Variants in VAV3 observed in about 807,000 individuals in gnomAD.
VAV3 encodes the protein guanine nucleotide exchange factor VAV3.
VAV3 carries 94 observed loss-of-function variants against 131.2 expected under a neutral mutation model. That is an observed-to-expected ratio of 0.72 (90% CI 0.61 to 0.85). The LOEUF is 0.85. Among genes scored for constraint, VAV3 ranks in the 40% least tolerant of loss-of-function variants. VAV3 has a pLI of 0.00. For missense variants in VAV3, 939 were observed against 1,002.7 expected (o/e 0.94, Z 0.86); for synonymous variants, 349 against 342.0 (o/e 1.02, Z -0.22).
rs1663343365 is a variant in VAV3 at position 107,746,354 on chromosome 1, C to G, written c.1502+2614G>C. On this transcript the variant is annotated intron_variant, in intron 15 of 26. Coordinates refer to ENST00000370056, the MANE Select transcript of VAV3 (RefSeq NM_006113.5). The stretch of plus-strand genomic sequence containing the variant: ...TCTCCAAAAAGATACTTCTACCCTC[C>G]CAATATCTGCATAGACATTCAACGG... 3.3e-5 allele frequency among the ~76,000 whole-genome samples: 5 copies of G among 152,168 alleles called. No individual in the cohort carries two copies. In the South Asian group the frequency reaches 1.0e-3, roughly 32 times the overall value.
At chr1:107,616,075 T>C (rs990070216) in intron 21 of VAV3, among the ~76,000 whole-genome samples, 1 of 152,182 alleles carries the variant, frequency 6.6e-6, no homozygotes, top group Non-Finnish European at 1.5e-5. Context: ...AGAATTACCT[T>C]TTGAGCCAGC....
rs1157524336 is a variant in VAV3, at chr1:107,962,137, T to C, written c.204+2529A>G. Among the ~76,000 whole-genome samples, 3 of 152,242 alleles carry C rather than the reference T, an allele frequency of 2.0e-5. No homozygotes were observed. The East Asian group carries it at 5.8e-4, about 29-fold the overall frequency. On this transcript the variant is annotated intron_variant, in intron 1 of 26. Transcript: ENST00000370056. Reference sequence around the variant, plus strand: ...ATCATGTGCTATAAAAAATAGTCTATTTCAAATTAATATCTTCAACAGAAT... The same window carrying C: ...ATCATGTGCTATAAAAAATAGTCTACTTCAAATTAATATCTTCAACAGAAT...
intron 1 of VAV3, among the ~76,000 whole-genome samples, chr1:107,891,004 T>C (rs904771115): frequency 2.0e-5 from 3 of 152,248 alleles, no homozygotes; most frequent in Non-Finnish European, 2.9e-5. Flanking sequence ...TGAAATATTA[T>C]GTGAATTTTA....
intron 17 of VAV3, among the ~76,000 whole-genome samples, chr1:107,692,381 T>C (rs1659483402): frequency 6.6e-6 from 1 of 152,204 alleles, no homozygotes; most frequent in African/African-American, 2.4e-5. Flanking sequence ...TAATTATTAA[T>C]GTACCATTAA....
chr1:107,910,518 G>A (rs1672316883), intron 1 of VAV3, among the ~76,000 whole-genome samples: 1 of 152,192 alleles, frequency 6.6e-6, no homozygotes, highest in African/African-American at 2.4e-5. Context: ...GCAAGGGAAA[G>A]GCCAAAAGTA....
intron 22 of VAV3, among the ~76,000 whole-genome samples, chr1:107,606,803 CTTTTTTTT>C (rs34849497): frequency 5.2e-5 from 3 of 58,000 alleles, no homozygotes; most frequent in Non-Finnish European, 9.5e-5. Context: ...ATGGTTTCTT[CTTTTTTTT>C]TTTTTTTTTT....
At chr1:107,653,398 C>A (rs1656315072) in intron 19 of VAV3, among the ~76,000 whole-genome samples, 1 of 151,976 alleles carries the variant, frequency 6.6e-6, no homozygotes, top group Admixed American at 6.6e-5. Context: ...GAAGAGTAGT[C>A]TTTTATTTAT....
intron 19 of VAV3, among the ~76,000 whole-genome samples, chr1:107,664,367 C>A (rs1657260396): frequency 1.3e-5 from 2 of 151,888 alleles, no homozygotes; most frequent in Non-Finnish European, 2.9e-5. Context: ...ACAAAAGGCC[C>A]CAGTGTGTGT....
At chr1:107,947,032 C>T (rs1674304128) in intron 1 of VAV3, among the ~76,000 whole-genome samples, 1 of 152,208 alleles carries the variant, frequency 6.6e-6, no homozygotes, top group Admixed American at 6.5e-5. Context: ...GGAAAAGAGC[C>T]TGCCCTAGAT....
chr1:107,688,444 GT>G, intron 17 of VAV3, 38 bp from the exon 18 acceptor site: 1 of 1,612,614 alleles, frequency 6.2e-7, no homozygotes, highest in Non-Finnish European at 8.5e-7. Context: ...TCAGTGTAAA[GT>G]TATTTTGTTT....
chr1:107,857,104 T>C (rs796886215), intron 2 of VAV3, among the ~76,000 whole-genome samples: 82 of 152,292 alleles, frequency 5.4e-4, no homozygotes, highest in African/African-American at 1.9e-3. Flanking sequence ...TGTGAGGGTG[T>C]TGCCAAAGAA....
At chr1:107,962,683 G>T (rs376516153) in intron 1 of VAV3, among the ~76,000 whole-genome samples, 1 of 152,188 alleles carries the variant, frequency 6.6e-6, no homozygotes, top group Non-Finnish European at 1.5e-5. Flanking sequence ...TCAGGTACTA[G>T]CCTTCTAGGA....
chr1:107,614,223 G>T (rs139476510), intron 21 of VAV3, among the ~76,000 whole-genome samples: 3 of 151,918 alleles, frequency 2.0e-5, no homozygotes, highest in African/African-American at 7.2e-5. Context: ...AAATGAAGTT[G>T]ACCCATTTAT....
At chr1:107,921,422 T>C (rs1362549375) in intron 1 of VAV3, among the ~76,000 whole-genome samples, 1 of 152,232 alleles carries the variant, frequency 6.6e-6, no homozygotes, top group Non-Finnish European at 1.5e-5. Flanking sequence ...ATGGCTATTT[T>C]TCCCCCTCTA....
At chr1:107,645,038 T>C (rs1408279507) in intron 19 of VAV3, among the ~76,000 whole-genome samples, 1 of 150,528 alleles carries the variant, frequency 6.6e-6, no homozygotes, top group Non-Finnish European at 1.5e-5. Flanking sequence ...TATTCCTAAG[T>C]TTTTTATTTA....
intron 2 of VAV3, among the ~76,000 whole-genome samples, chr1:107,854,757 G>A (rs1669391423): frequency 6.6e-6 from 1 of 152,092 alleles, no homozygotes; most frequent in African/African-American, 2.4e-5. Context: ...ATGATGGGAG[G>A]GTCTCTTCTC....
chr1:107,788,716 T>C (rs1165908334), intron 2 of VAV3, among the ~76,000 whole-genome samples: 1 of 152,200 alleles, frequency 6.6e-6, no homozygotes, highest in African/African-American at 2.4e-5. Context: ...CTGCTCTGCC[T>C]AAATTTATGC....
At chr1:107,846,663 C>T (rs1214427535) in intron 2 of VAV3, among the ~76,000 whole-genome samples, 1 of 151,664 alleles carries the variant, frequency 6.6e-6, no homozygotes, top group East Asian at 1.9e-4. Context: ...CAACAAAGAT[C>T]AAAAAAGACA....
intron 20 of VAV3, among the ~76,000 whole-genome samples, chr1:107,622,679 C>T (rs1182106347): frequency 6.6e-6 from 1 of 152,178 alleles, no homozygotes; most frequent in Non-Finnish European, 1.5e-5. Context: ...GCCCTAAACA[C>T]TCTCAATGTA....
Sources: gnomAD v4.1 joint callset for allele counts (sites outside exome capture counted in the v4.1 genomes callset) on GRCh38, gnomAD v4.1.1 for gene constraint, MANE v1.5 for transcripts, NCBI Gene and HGNC (gene_info 2026-07-23, HGNC 2026-07-21) for gene names.